The following PRIM2 variants were observed in gnomAD, a reference collection of about 807,000 sequenced individuals.
The protein encoded by PRIM2 is DNA primase large subunit.
A neutral mutation model predicts 67.3 loss-of-function variants in PRIM2; 39 were observed. That is an observed-to-expected ratio of 0.58 (90% CI 0.45 to 0.76). The LOEUF (loss-of-function observed/expected upper bound fraction) is 0.76. Ranked by LOEUF, PRIM2 falls within the 30% of genes least tolerant of loss-of-function variation. PRIM2 has a pLI of 0.00. For synonymous variants in PRIM2, 143 were observed against 198.7 expected (o/e 0.72, Z 2.36); for missense variants, 398 against 598.7 (o/e 0.66, Z 3.50).
chr6:57,545,729 T>TG (rs1434308181), intron 10 of PRIM2, among the ~76,000 whole-genome samples: 1 of 152,134 alleles, frequency 6.6e-6, no homozygotes, highest in African/African-American at 2.4e-5. Flanking sequence ...CCACCATGCC[T>TG]GGCCCCTCCA....
At chr6:57,389,296 T>C (rs1368833570) in intron 7 of PRIM2, among the ~76,000 whole-genome samples, 1 of 152,028 alleles carries the variant, frequency 6.6e-6, no homozygotes, top group Non-Finnish European at 1.5e-5. Context: ...AAAGTTTATG[T>C]AGAGTTGGGG....
At chr6:57,400,409 A>C (rs934111325) in intron 7 of PRIM2, among the ~76,000 whole-genome samples, 9 of 152,168 alleles carry the variant, frequency 5.9e-5, no homozygotes, top group African/African-American at 2.2e-4. Context: ...TTCTTTAATA[A>C]ATATTGAATA....
At chr6:57,338,917 C>T (rs930730869) in intron 5 of PRIM2, among the ~76,000 whole-genome samples, 6 of 152,100 alleles carry the variant, frequency 3.9e-5, no homozygotes, top group Admixed American at 2.6e-4. Flanking sequence ...GTCAAATCGT[C>T]CCTGTTTGCA....
the PRIM2 span, chr6:57,222,173 T>G: frequency 6.6e-6 from 1 of 152,192 alleles, no homozygotes; most frequent in African/African-American, 2.4e-5. Context: ...CTCTTAAGAA[T>G]GATTATGATT....
the PRIM2 span, among the ~76,000 whole-genome samples, chr6:57,286,413 T>C: frequency 8.5e-5 from 13 of 152,160 alleles, no homozygotes; most frequent in African/African-American, 2.6e-4. Flanking sequence ...AACAGATATA[T>C]AGACAAATGG....
Position 57,520,217 on chromosome 6 carries a change from G to A in PRIM2, c.762-12194G>A, listed in dbSNP as rs1163325747. On this transcript the variant is annotated intron_variant, in intron 8 of 13. Coordinates refer to ENST00000615550, the MANE Select transcript of PRIM2 (RefSeq NM_000947.5). Reference sequence around the variant, plus strand: ...GGCAGTTATTGGGGAACAAATGTGAGGGGATAATCCTAGAATGCCATAAAT... The same window carrying A: ...GGCAGTTATTGGGGAACAAATGTGAAGGGATAATCCTAGAATGCCATAAAT... Among the ~76,000 whole-genome samples, 5 of 152,302 alleles carry A rather than the reference G, an allele frequency of 3.3e-5. No individual in the cohort carries two copies. The East Asian group carries it at 9.7e-4, about 29-fold the overall frequency.
chr6:57,294,946 G>A, the PRIM2 span, among the ~76,000 whole-genome samples: 7 of 152,020 alleles, frequency 4.6e-5, no homozygotes, highest in African/African-American at 1.7e-4. Context: ...CAGTAGCTGG[G>A]ACTACAGGCG....
In PRIM2 at chr6:57,500,930, A is replaced by G. The variant is rs1216619965; in HGVS notation, c.694-6457A>G. Among the ~76,000 whole-genome samples, 40 of 152,336 alleles carry G rather than the reference A, an allele frequency of 2.6e-4. No homozygotes were observed. In the East Asian group the frequency reaches 7.3e-3, roughly 28 times the overall value. On this transcript the variant is annotated intron_variant, in intron 7 of 13. Coordinates refer to ENST00000615550, the MANE Select transcript of PRIM2 (RefSeq NM_000947.5). The stretch of plus-strand genomic sequence containing the variant: ...TCCAGAGCTTTACTTCTTCCTTGGC[A>G]TAAATTTAGAGGGTTGTATGTGCTT...
At chr6:57,487,971 A>G (rs1461951651) in intron 7 of PRIM2, among the ~76,000 whole-genome samples, 2 of 152,214 alleles carry the variant, frequency 1.3e-5, no homozygotes, top group East Asian at 3.9e-4. Context: ...TTAATACAGT[A>G]TAGTTTACAG....
chr6:57,541,873 A>G (rs1170610161), intron 10 of PRIM2, among the ~76,000 whole-genome samples: 1 of 152,060 alleles, frequency 6.6e-6, no homozygotes, highest in Admixed American at 6.5e-5. Flanking sequence ...AATGTTAATC[A>G]TATCCAGAAA....
At chr6:57,489,561 A>G (rs74697890) in intron 7 of PRIM2, among the ~76,000 whole-genome samples, 1 of 152,294 alleles carries the variant, frequency 6.6e-6, no homozygotes, top group Non-Finnish European at 1.5e-5. Context: ...CCGTCTCCAG[A>G]AAAAAGAAAA....
chr6:57,293,184 C>T, the PRIM2 span, among the ~76,000 whole-genome samples: 1 of 152,280 alleles, frequency 6.6e-6, no homozygotes, highest in Admixed American at 6.5e-5. Flanking sequence ...AGGATATGAA[C>T]AGACACTTCT....
rs1226561643 is a variant in PRIM2, at chr6:57,487,920, T to C, written c.694-19467T>C. On this transcript the variant is annotated intron_variant, in intron 7 of 13. Transcript: ENST00000615550. The stretch of plus-strand genomic sequence containing the variant: ...AATGCATATTTGTTGAATTTATAGT[T>C]GAAGGCCTGTTTATATGTTCCCTTC... Among the ~76,000 whole-genome samples, 190 of 152,338 alleles carry C rather than the reference T, an allele frequency of 1.2e-3. 5 individuals carry two copies. In the East Asian group the frequency reaches 0.016, roughly 13 times the overall value.
At chr6:57,239,788 C>A in the PRIM2 span, among the ~76,000 whole-genome samples, 1 of 152,080 alleles carries the variant, frequency 6.6e-6, no homozygotes, top group African/African-American at 2.4e-5. Flanking sequence ...AGGAGCCCTC[C>A]CTTAAGTGCC....
chr6:57,397,920 G>A lies in PRIM2; in HGVS notation c.693+15752G>A, dbSNP rs547784766. On this transcript the variant is annotated intron_variant, in intron 7 of 13. Transcript: ENST00000615550. ...AATTTTTTTTTTTTTTTTTTGAGAC[G>A]GAGTCTTGCTCTGTTGCCAGGCTGT... 5.9e-3 allele frequency among the ~76,000 whole-genome samples: 793 copies of A among 134,528 alleles called. 11 individuals carry two copies. Among genetic ancestry groups the A allele is most frequent in the African/African-American group, 0.02 (699 of 34,466 alleles). 88.3% of individuals were successfully genotyped at this position (134,528 alleles called of 152,430 possible).
chr6:57,544,038 T>C (rs1775235523), intron 10 of PRIM2, among the ~76,000 whole-genome samples: 1 of 152,150 alleles, frequency 6.6e-6, no homozygotes, highest in Non-Finnish European at 1.5e-5. Flanking sequence ...AGGAATTTGA[T>C]GTTGTAAGAG....
At chr6:57,602,834 T>C (rs1390185714) in intron 11 of PRIM2, among the ~76,000 whole-genome samples, 1 of 152,236 alleles carries the variant, frequency 6.6e-6, no homozygotes, top group Non-Finnish European at 1.5e-5. Context: ...TATTCTGTTT[T>C]TAAAAAGTAA....
At chr6:57,568,098 A>G (rs1404379372) in intron 10 of PRIM2, among the ~76,000 whole-genome samples, 1 of 152,216 alleles carries the variant, frequency 6.6e-6, no homozygotes, top group Non-Finnish European at 1.5e-5. Context: ...TGAAAAAAAA[A>G]TACTTCAAAA....
intron 7 of PRIM2, among the ~76,000 whole-genome samples, chr6:57,482,195 A>C (rs1295659377): frequency 1.3e-5 from 2 of 150,812 alleles, no homozygotes; most frequent in Admixed American, 1.3e-4. Context: ...GAAAATGATG[A>C]GTTTGGTTTG....
Sources: allele counts gnomAD v4.1 joint callset (sites outside exome capture counted in the v4.1 genomes callset), GRCh38; gene constraint gnomAD v4.1.1; transcripts MANE v1.5; gene names NCBI Gene and HGNC (gene_info 2026-07-23, HGNC 2026-07-21).